The following POU2F3 variants were observed in gnomAD, a reference collection of about 807,000 sequenced individuals.
The protein encoded by POU2F3 is POU domain, class 2, transcription factor 3.
Under a neutral mutation model 59.2 loss-of-function variants are expected in POU2F3, and 23 were observed. The ratio of observed to expected loss-of-function variants is 0.39; its 90% CI spans 0.28 to 0.55. The LOEUF is 0.55. Ranked by LOEUF, POU2F3 falls within the 20% of genes least tolerant of loss-of-function variation. The pLI, the probability that POU2F3 is intolerant of heterozygous loss-of-function variation, is 0.66. For missense variants in POU2F3, 473 were observed against 544.5 expected (o/e 0.87, Z 1.31); for synonymous variants, 190 against 214.6 (o/e 0.89, Z 1.00).
intron 2 of POU2F3, among the ~76,000 whole-genome samples, chr11:120,249,522 T>C (rs1939014319): frequency 6.6e-6 from 1 of 152,190 alleles, no homozygotes; most frequent in Non-Finnish European, 1.5e-5. Flanking sequence ...TTCTCCACTC[T>C]TGAGGCTGAG....
At chr11:120,292,992 T>C (rs1384063706) in intron 3 of POU2F3, among the ~76,000 whole-genome samples, 1 of 152,190 alleles carries the variant, frequency 6.6e-6, no homozygotes, top group Non-Finnish European at 1.5e-5. Flanking sequence ...ACTGATAAGA[T>C]TGTTGCATTT....
At chr11:120,251,146 T>A (rs1030105216) in intron 2 of POU2F3, among the ~76,000 whole-genome samples, 2 of 152,290 alleles carry the variant, frequency 1.3e-5, no homozygotes, top group East Asian at 3.9e-4. Flanking sequence ...TTTTTTAAAT[T>A]ATCTCTTTGT....
At chr11:120,275,941 A>C (rs1386839259) in intron 3 of POU2F3, among the ~76,000 whole-genome samples, 3 of 152,246 alleles carry the variant, frequency 2.0e-5, no homozygotes, top group Non-Finnish European at 2.9e-5. Context: ...CTCCGAGTAC[A>C]AATTGACTTG....
In POU2F3 at chr11:120,318,371, T is replaced by G. The variant is rs1229722511; in HGVS notation, c.1290T>G (p.Asn430Lys). 1.2e-6 allele frequency: 2 copies of G among 1,606,254 alleles called. No individual in the cohort carries two copies. The highest frequency in any genetic ancestry group is 1.7e-5 in the Admixed American group (1 of 60,014). Residue 430 changes from asparagine to lysine, a missense_variant, in exon 13 of 13, where the codon AAT becomes AAG. Asn to Lys is a moderately conservative substitution (Grantham distance 94). Transcript: ENST00000543440. The stretch of plus-strand genomic sequence containing the variant: ...CTTCCAGATCTTGGTACCGATGGAA[T>G]CATTCCACCTACCTCCACTGAGACC... ...FNSSGSWYRW[N>K]HSTYLH
chr11:120,252,900 C>T (rs574164614), intron 2 of POU2F3, among the ~76,000 whole-genome samples: 3 of 152,190 alleles, frequency 2.0e-5, no homozygotes, highest in African/African-American at 7.2e-5. Context: ...AAATGGTCAC[C>T]CCTCGACCCC....
At chr11:120,307,707 G>A (rs768882419) in intron 9 of POU2F3, 92 bp downstream of exon 9, 49 of 1,500,880 alleles carry the variant, frequency 3.3e-5, no homozygotes, top group Admixed American at 1.9e-4. Flanking sequence ...CAGCCCCTCC[G>A]CACCTCACAC....
intron 11 of POU2F3, among the ~76,000 whole-genome samples, chr11:120,316,602 T>G (rs2135142879): frequency 6.6e-6 from 1 of 152,318 alleles, no homozygotes; most frequent in Middle Eastern, 3.4e-3. Context: ...ATTTTTGTAT[T>G]TTTTGCAGAG....
chr11:120,309,493 G>A lies in POU2F3; in HGVS notation c.975G>A (p.Val325=). ...AEQLSMEKEV[V]RVWFCNRRQK... The stretch of plus-strand genomic sequence containing the variant: ...AGTTGTCCATGGAGAAGGAGGTGGT[G>A]AGGGTCTGGTTCTGCAACCGACGCC... The change falls in exon 10 of 13, where the codon GTG becomes GTA. Residue 325 remains valine, a synonymous_variant. Transcript: ENST00000543440. 3.1e-6 allele frequency: 5 copies of A among 1,614,050 alleles called. No homozygotes were observed. The highest frequency in any genetic ancestry group is 3.4e-6 in the Non-Finnish European group (4 of 1,179,952).
chr11:120,273,355 C>T (rs574284602), intron 3 of POU2F3, among the ~76,000 whole-genome samples: 1 of 152,312 alleles, frequency 6.6e-6, no homozygotes, highest in Admixed American at 6.5e-5. Context: ...GAATGCTAAG[C>T]TCTACCTAAG....
chr11:120,304,908 C>A, intron 6 of POU2F3, 122 bp from the exon 7 acceptor site: 1 of 758,018 alleles, frequency 1.3e-6, no homozygotes, highest in Non-Finnish European at 2.0e-6. Context: ...AGGGTGTATC[C>A]AGGGATCTGT....
At chr11:120,258,894 A>C (rs927465236) in intron 2 of POU2F3, 1 of 152,256 alleles carries the variant, frequency 6.6e-6, no homozygotes, top group Admixed American at 6.5e-5. Context: ...CTCCTGTTGC[A>C]TGGGAAGCCC....
chr11:120,292,865 A>G (rs11607289), intron 3 of POU2F3, among the ~76,000 whole-genome samples: 24,405 of 152,252 alleles, frequency 0.16, 3,483 homozygotes, highest in African/African-American at 0.38. Context: ...CAGGGGATTT[A>G]TATTCCAGAG....
chr11:120,250,841 G>A (rs1939066349), intron 2 of POU2F3, among the ~76,000 whole-genome samples: 1 of 152,168 alleles, frequency 6.6e-6, no homozygotes, highest in Non-Finnish European at 1.5e-5. Flanking sequence ...GCCGGGCGTG[G>A]TAGTGGGCAC....
upstream of POU2F3, among the ~76,000 whole-genome samples, chr11:120,237,475 C>G (rs1243317788): frequency 6.6e-6 from 1 of 152,120 alleles, no homozygotes; most frequent in South Asian, 2.1e-4. Flanking sequence ...CCCATTCCCC[C>G]CAGAACCCCA....
chr11:120,250,304 C>A (rs936652460), intron 2 of POU2F3: 15 of 152,208 alleles, frequency 9.9e-5, no homozygotes, highest in African/African-American at 3.6e-4. Context: ...AGTTGTATAA[C>A]CAACATCTTT....
At chr11:120,295,936 C>A (rs1232679828) in intron 3 of POU2F3, among the ~76,000 whole-genome samples, 1 of 152,212 alleles carries the variant, frequency 6.6e-6, no homozygotes, top group Non-Finnish European at 1.5e-5. Context: ...CATCTTCTTA[C>A]CAATTTCTGT....
chr11:120,285,867 G>A lies in POU2F3; in HGVS notation c.133-12398G>A, dbSNP rs983233057. Among the ~76,000 whole-genome samples, 1 of 149,946 alleles carries A rather than the reference G, an allele frequency of 6.7e-6. No homozygotes were observed. The highest frequency in any genetic ancestry group is 2.4e-5 in the African/African-American group (1 of 40,848). On this transcript the variant is annotated intron_variant, in intron 3 of 12. Coordinates refer to ENST00000543440, the MANE Select transcript of POU2F3 (RefSeq NM_014352.4). The surrounding 1 kb of genome is among the most constrained non-coding windows in gnomAD (Gnocchi z 4.3). ...TGATTTTTGTTAATGACCACATAAT[G>A]TTCTATTGTTTGGGGGTTTTTCTGT...
At chr11:120,240,065 CTGGGGCCAGGCG>C, upstream of POU2F3, 4 of 1,100,058 alleles carry the variant, frequency 3.6e-6, no homozygotes, top group African/African-American at 1.7e-5. Flanking sequence ...TTGCATGGGC[CTGGGGCCAGGCG>C]CGGGGCTCCT....
Position 120,307,511 on chromosome 11 carries a change from C to A in POU2F3, c.802C>A (p.Pro268Thr), listed in dbSNP as rs1049445639. 6 of 1,614,174 alleles carry A rather than the reference C, an allele frequency of 3.7e-6. No individual in the cohort carries two copies. The highest frequency in any genetic ancestry group is 3.3e-4 in the Middle Eastern group (2 of 6,062). ...TCCGTCAGACCCCTCAGTGAGCACG[C>A]CCAGCTCCTACCCCAGCCTCAGTGA... Reference protein sequence around the residue: ...SSPSDPSVSTPSSYPSLSEVF... With the variant: ...SSPSDPSVSTTSSYPSLSEVF... The change falls in exon 9 of 13, where the codon CCC (proline) becomes ACC (threonine). Residue 268 changes from proline to threonine, a missense_variant. Coordinates refer to ENST00000543440, the MANE Select transcript of POU2F3 (RefSeq NM_014352.4).
Sources: gnomAD v4.1 joint callset for allele counts (sites outside exome capture counted in the v4.1 genomes callset) on GRCh38, gnomAD v4.1.1 for gene constraint, Gnocchi (gnomAD v3.1) non-coding constraint, MANE v1.5 for transcripts, NCBI Gene and HGNC (gene_info 2026-07-23, HGNC 2026-07-21) for gene names.